PSTPIP1: variants seen among roughly 807,000 people sequenced by gnomAD.
The protein encoded by PSTPIP1 is proline-serine-threonine phosphatase interacting protein 1, also known as proline-serine-threonine phosphatase-interacting protein 1.
In PSTPIP1, 66 loss-of-function variants were observed where a neutral mutation model predicts 69.6. The ratio of observed to expected loss-of-function variants is 0.95; its 90% CI spans 0.78 to 1.16. The LOEUF is 1.16. Among genes scored for constraint, PSTPIP1 ranks in the 50% most tolerant of loss-of-function variants. PSTPIP1 has a pLI of 0.00. For synonymous variants in PSTPIP1, 266 were observed against 222.7 expected (o/e 1.19, Z -1.73); for missense variants, 603 against 557.4 (o/e 1.08, Z -0.82).
At position 77,025,575 on chromosome 15, in the gene PSTPIP1, C is replaced by T. The variant is rs569030059; in HGVS notation, c.325C>T (p.Arg109Cys). The stretch of plus-strand genomic sequence containing the variant: ...GGAGCTGCGGAGTCTCGAGGAGTTT[C>T]GTGAGAGGCAGAAGGAGCAGAGGAA... ...REELRSLEEF[R>C]ERQKEQRKKY... The change falls in exon 5 of 15, where the codon CGT (arginine) becomes TGT (cysteine). Residue 109 changes from arginine (R) to cysteine (C), a missense_variant. Physicochemically the swap from Arg to Cys is radical, Grantham distance 180. Coordinates refer to ENST00000558012, the MANE Select transcript of PSTPIP1 (RefSeq NM_003978.5). The T allele has an allele frequency of 1.2e-5, 19 of 1,551,242 alleles. No individual in the cohort carries two copies. The highest frequency in any genetic ancestry group is 2.7e-5 in the African/African-American group (2 of 73,066).
chr15:77,022,107 T>C (rs2076172662), intron 3 of PSTPIP1, among the ~76,000 whole-genome samples: 2 of 152,244 alleles, frequency 1.3e-5, no homozygotes, highest in Admixed American at 1.3e-4. Flanking sequence ...AAAAATGCTG[T>C]GGTTTTCCTG....
intron 1 of PSTPIP1, among the ~76,000 whole-genome samples, chr15:76,998,048 G>A (rs1311915618): frequency 6.6e-6 from 1 of 152,192 alleles, no homozygotes; most frequent in Non-Finnish European, 1.5e-5. Context: ...GACCAGCCTG[G>A]CCAACATGGT....
At position 77,035,942 on chromosome 15, in the gene PSTPIP1, C is replaced by A; in HGVS notation, c.1119+7C>A. ...CTACGATTATACAGCGCAGGTGAGG[C>A]CTCTATACCCCAAACCCACCTGTGC... On this transcript the variant is annotated splice_region_variant and intron_variant, in intron 14 of 14. Transcript: ENST00000558012. 1 of 1,588,056 alleles carries A rather than the reference C, an allele frequency of 6.3e-7. No individual in the cohort carries two copies. Among genetic ancestry groups the A allele is most frequent in the Non-Finnish European group, 8.6e-7 (1 of 1,169,522 alleles).
chr15:76,995,718 A>G, intron 1 of PSTPIP1, 109 bp downstream of exon 1: 1 of 1,577,074 alleles, frequency 6.3e-7, no homozygotes, highest in Non-Finnish European at 8.7e-7. Context: ...TTCTCATAAA[A>G]TAGTGGTTGA....
chr15:77,002,518 T>G (rs2075731659), intron 1 of PSTPIP1, among the ~76,000 whole-genome samples: 1 of 152,224 alleles, frequency 6.6e-6, no homozygotes, highest in South Asian at 2.1e-4. Context: ...AATTTGTGGT[T>G]TGCTAGCATG....
rs1404366813 is a variant in PSTPIP1, at chr15:77,027,409, G to A, written c.355-443G>A. On this transcript the variant is annotated intron_variant, in intron 5 of 14. Coordinates refer to ENST00000558012, the MANE Select transcript of PSTPIP1 (RefSeq NM_003978.5). This position sits in a 1 kb window ranked among gnomAD's most constrained non-coding sequence, Gnocchi z 4.3. Reference sequence around the variant, plus strand: ...TGAGTGGCATCTGTGGGTGTGCACAGGAATGCCTGTGATCATGCGTGTGGG... The same window carrying A: ...TGAGTGGCATCTGTGGGTGTGCACAAGAATGCCTGTGATCATGCGTGTGGG... Among the ~76,000 whole-genome samples the A allele has an allele frequency of 6.6e-6, 1 of 152,196 alleles. No individual in the cohort carries two copies. The highest frequency in any genetic ancestry group is 1.5e-5 in the Non-Finnish European group (1 of 68,020).
At chr15:77,031,482 G>A in intron 10 of PSTPIP1, 1 of 483,450 alleles carries the variant, frequency 2.1e-6, no homozygotes, top group Non-Finnish European at 3.8e-6. Context: ...TGGCTTCTCT[G>A]CCTGGAAGAT....
chr15:76,997,520 C>T (rs2075607553), intron 1 of PSTPIP1, among the ~76,000 whole-genome samples: 1 of 152,244 alleles, frequency 6.6e-6, no homozygotes, highest in Non-Finnish European at 1.5e-5. Context: ...TTCAATCCTT[C>T]AAACACATGC....
chr15:77,025,681 C>A, intron 5 of PSTPIP1, 77 bp downstream of exon 5: 1 of 1,283,902 alleles, frequency 7.8e-7, no homozygotes, highest in Non-Finnish European at 1.1e-6. Flanking sequence ...AGGGGGCTGA[C>A]CTTCCTGGTA....
chr15:77,019,132 C>T (rs2076112807), intron 3 of PSTPIP1, among the ~76,000 whole-genome samples: 1 of 152,166 alleles, frequency 6.6e-6, no homozygotes, highest in African/African-American at 2.4e-5. Flanking sequence ...TCTGATGAAG[C>T]GGGAGTCTCC....
chr15:76,998,594 C>T (rs1596035814), intron 1 of PSTPIP1, among the ~76,000 whole-genome samples: 1 of 152,102 alleles, frequency 6.6e-6, no homozygotes, highest in Non-Finnish European at 1.5e-5. Flanking sequence ...ATACAGTTGG[C>T]GATGGATAAA....
intron 5 of PSTPIP1, among the ~76,000 whole-genome samples, chr15:77,026,735 G>C (rs1341546684): frequency 6.6e-6 from 1 of 152,350 alleles, no homozygotes; most frequent in African/African-American, 2.4e-5. Context: ...GAGCAGACAG[G>C]GGGTCCCCAG....
chr15:77,028,497 C>A, intron 6 of PSTPIP1, 57 bp from the exon 7 acceptor site: 2 of 1,429,976 alleles, frequency 1.4e-6, no homozygotes, highest in South Asian at 2.6e-5. Flanking sequence ...GCCTCACTCC[C>A]GGGGACCACA....
Position 77,027,118 on chromosome 15 carries a change from C to CTGTG in PSTPIP1, c.355-725_355-722dup, listed in dbSNP as rs921213612. Reference sequence around the variant, plus strand: ...GCCCTGTGCACTTGGGTGTTTTGTGCTGTGTGTGTGTGAGTGCCTGTGCCT... The same window carrying CTGTG: ...GCCCTGTGCACTTGGGTGTTTTGTGCTGTGTGTGTGTGTGTGAGTGCCTGTGCCT... On this transcript the variant is annotated intron_variant, in intron 5 of 14. Coordinates refer to ENST00000558012, the MANE Select transcript of PSTPIP1 (RefSeq NM_003978.5). This position sits in a 1 kb window ranked among gnomAD's most constrained non-coding sequence, Gnocchi z 4.3. Among the ~76,000 whole-genome samples the CTGTG allele has an allele frequency of 6.6e-6, 1 of 152,198 alleles. No individual in the cohort carries two copies. Among genetic ancestry groups the CTGTG allele is most frequent in the East Asian group, 1.9e-4 (1 of 5,182 alleles).
At chr15:77,033,497 G>A (rs867262024) in intron 12 of PSTPIP1, among the ~76,000 whole-genome samples, 4 of 152,308 alleles carry the variant, frequency 2.6e-5, no homozygotes, top group Middle Eastern at 3.4e-3. Context: ...CTTGAGTGAC[G>A]AAGGTGACAG....
At chr15:77,001,502 G>A (rs550724294) in intron 1 of PSTPIP1, among the ~76,000 whole-genome samples, 14 of 152,256 alleles carry the variant, frequency 9.2e-5, no homozygotes, top group Non-Finnish European at 1.9e-4. Context: ...GAGGGCCAAG[G>A]AGGCCAGTGG....
Position 77,012,529 on chromosome 15 carries a change from T to TCATC in PSTPIP1, c.37-5602_37-5599dup, listed in dbSNP as rs367566326. 2.8e-3 allele frequency among the ~76,000 whole-genome samples: 414 copies of TCATC among 149,788 alleles called. 1 individual carries two copies. The highest frequency in any genetic ancestry group is 3.6e-3 in the Non-Finnish European group (242 of 67,344). ...TCCATCCATCCTTCCATCCATCCAT[T>TCATC]CATCCATCCATCCATCCATCAAGTT... On this transcript the variant is annotated intron_variant, in intron 1 of 14. Transcript: ENST00000558012.
At chr15:77,036,601 A>G (rs956380474) in intron 14 of PSTPIP1, among the ~76,000 whole-genome samples, 1 of 151,926 alleles carries the variant, frequency 6.6e-6, no homozygotes, top group African/African-American at 2.4e-5. Flanking sequence ...CTGGGTGTGG[A>G]CTCCACTGAT....
At chr15:77,013,648 C>T (rs1280474001) in intron 1 of PSTPIP1, among the ~76,000 whole-genome samples, 1 of 152,178 alleles carries the variant, frequency 6.6e-6, no homozygotes, top group Non-Finnish European at 1.5e-5. Flanking sequence ...CTCCTAGGGG[C>T]TCCTCTCTCC....
Sources: allele counts gnomAD v4.1 joint callset (sites outside exome capture counted in the v4.1 genomes callset), GRCh38; gene constraint gnomAD v4.1.1; non-coding constraint Gnocchi (gnomAD v3.1); transcripts MANE v1.5; gene names NCBI Gene and HGNC (gene_info 2026-07-23, HGNC 2026-07-21).